The following NOS2 variants were observed in gnomAD, a reference collection of about 807,000 sequenced individuals.
The protein encoded by NOS2 is nitric oxide synthase, inducible.
NOS2 carries 96 observed loss-of-function variants against 136.0 expected under a neutral mutation model. The observed-to-expected ratio is 0.71, with a 90% CI of 0.60 to 0.84. The LOEUF is 0.84. Ranked by LOEUF, NOS2 falls within the 40% of genes least tolerant of loss-of-function variation. The pLI, the probability that NOS2 is intolerant of heterozygous loss-of-function variation, is 0.00. For missense variants in NOS2, 1,237 were observed against 1,496.9 expected, an observed-to-expected ratio of 0.83 and a Z score of 2.87; for synonymous variants, 539 against 587.5, an observed-to-expected ratio of 0.92 and a Z score of 1.20.
intron 26 of NOS2, 109 bp from the exon 27 acceptor site, chr17:27,757,462 A>T: frequency 1.2e-6 from 1 of 840,892 alleles, no homozygotes; most frequent in South Asian, 1.6e-5. Flanking sequence ...TGTCTTCCCA[A>T]CTGTTATACT....
At chr17:27,785,737 C>T (rs1210037375) in intron 5 of NOS2, among the ~76,000 whole-genome samples, 1 of 151,938 alleles carries the variant, frequency 6.6e-6, no homozygotes, top group African/African-American at 2.4e-5. Context: ...GCAGGAGGAT[C>T]GCTTGAGCTC....
intron 26 of NOS2, among the ~76,000 whole-genome samples, chr17:27,757,578 C>T (rs1349590067): frequency 6.6e-6 from 1 of 152,210 alleles, no homozygotes; most frequent in Non-Finnish European, 1.5e-5. Context: ...CCATTTCCTG[C>T]CCAGCGTTCA....
intron 11 of NOS2, 102 bp from the exon 12 acceptor site, chr17:27,774,553 C>G: frequency 1.3e-6 from 1 of 787,694 alleles, no homozygotes; most frequent in Non-Finnish European, 1.9e-6. Context: ...GAAGGCCTGG[C>G]AATCTGTAAC....
At chr17:27,783,520 C>T (rs1908918111) in intron 5 of NOS2, among the ~76,000 whole-genome samples, 1 of 152,122 alleles carries the variant, frequency 6.6e-6, no homozygotes, top group Non-Finnish European at 1.5e-5. Flanking sequence ...ATAGCAATGT[C>T]CTGCCTCTCC....
chr17:27,795,075 C>T (rs372826608), intron 2 of NOS2, among the ~76,000 whole-genome samples: 28 of 151,898 alleles, frequency 1.8e-4, no homozygotes, highest in Admixed American at 1.2e-3. Flanking sequence ...CCCACAACTA[C>T]GACCTCCTGT....
intron 15 of NOS2, among the ~76,000 whole-genome samples, chr17:27,770,347 A>G (rs1274924879): frequency 1.3e-5 from 2 of 152,136 alleles, no homozygotes; most frequent in African/African-American, 4.8e-5. Context: ...TTGGCCAGGC[A>G]TGGTGGCGCG....
In NOS2 at chr17:27,767,732, C is replaced by A; in HGVS notation, c.2140G>T (p.Asp714Tyr). ...WDPHHYRLVQ[D>Y]SQPLDLSKAL... ...TTGCTGAGGTCCAAAGGCTGTGAGT[C>A]CTGCACGAGCCTGTAGTGGTGCGGG... Residue 714 changes from aspartate to tyrosine, a missense_variant, in exon 18 of 27, where the codon GAC becomes TAC. Asp to Tyr is a radical substitution (Grantham distance 160). Transcript: ENST00000313735. 1 of 1,613,666 alleles carries A rather than the reference C, an allele frequency of 6.2e-7. No homozygotes were observed. Among genetic ancestry groups the A allele is most frequent in the Non-Finnish European group, 8.5e-7 (1 of 1,180,012 alleles).
rs1308806887 is a variant in NOS2, at chr17:27,769,002, C to T, written c.2009G>A (p.Arg670His). Residue 670 changes from arginine to histidine, a missense_variant, in exon 17 of 27, where the codon CGC becomes CAC. Arg to His is a conservative substitution (Grantham distance 29). Coordinates refer to ENST00000313735, the MANE Select transcript of NOS2 (RefSeq NM_000625.4). ...DELSGQEDAF[R>H]SWAVQTFKAA... Reference sequence around the variant, plus strand: ...CTTGAAGGTTTGCACGGCCCAGCTGCGGAAGGCGTCCTCCTGCCCACTGAG... The same window carrying T: ...CTTGAAGGTTTGCACGGCCCAGCTGTGGAAGGCGTCCTCCTGCCCACTGAG... 7.5e-6 allele frequency: 12 copies of T among 1,610,056 alleles called. No homozygotes were observed. Among genetic ancestry groups the T allele is most frequent in the Admixed American group, 3.4e-5 (2 of 59,666 alleles).
At chr17:27,757,912 C>T (rs1567631246) in intron 26 of NOS2, among the ~76,000 whole-genome samples, 1 of 152,184 alleles carries the variant, frequency 6.6e-6, no homozygotes, top group Non-Finnish European at 1.5e-5. Flanking sequence ...GCTGCCCCTC[C>T]AGAACAGCCC....
chr17:27,758,200 G>A (rs1280515214), intron 26 of NOS2, among the ~76,000 whole-genome samples: 1 of 152,180 alleles, frequency 6.6e-6, no homozygotes, highest in African/African-American at 2.4e-5. Flanking sequence ...TTGAACGTAT[G>A]AATGTGTCTT....
At chr17:27,775,610 C>A (rs954715274) in intron 11 of NOS2, among the ~76,000 whole-genome samples, 9 of 151,542 alleles carry the variant, frequency 5.9e-5, no homozygotes, top group African/African-American at 1.9e-4. Context: ...TTAAAAAAAA[C>A]AAAAACAAAA....
Position 27,780,869 on chromosome 17 carries a change from C to G in NOS2, c.902G>C (p.Arg301Pro). 1 of 1,614,032 alleles carries G rather than the reference C, an allele frequency of 6.2e-7. No homozygotes were observed. The highest frequency in any genetic ancestry group is 8.5e-7 in the Non-Finnish European group (1 of 1,179,962). ...IDLGWKPKYG[R>P]FDVVPLVLQA... Reference sequence around the variant, plus strand: ...CAGGACCAGGGGGACCACATCGAAGCGGCCGTACTTGGGCTTCCAGCCCAG... The same window carrying G: ...CAGGACCAGGGGGACCACATCGAAGGGGCCGTACTTGGGCTTCCAGCCCAG... Residue 301 changes from arginine to proline, a missense_variant, in exon 9 of 27, where the codon CGC (arginine) becomes CCC (proline). Arg to Pro is a moderately radical substitution (Grantham distance 103). Coordinates refer to ENST00000313735, the MANE Select transcript of NOS2 (RefSeq NM_000625.4).
chr17:27,778,989 C>A lies in NOS2; in HGVS notation c.1072G>T (p.Glu358Ter). ...ALPAVANMLL[E>*]VGGLEFPGCP... ...CCTGGGAACTCCAGGCCGCCCACCT[C>A]AAGCAGCATGTTGGCCACTGCAGGC... Residue 358 changes from glutamate (E) to a stop codon, truncating the protein, a stop_gained, in exon 10 of 27, where the codon GAG (glutamate) becomes TAG (stop). Coordinates refer to ENST00000313735, the MANE Select transcript of NOS2 (RefSeq NM_000625.4). LOFTEE classifies it high-confidence loss of function. 9.3e-6 allele frequency: 15 copies of A among 1,612,474 alleles called. No homozygotes were observed. The highest frequency in any genetic ancestry group is 1.1e-5 in the Non-Finnish European group (13 of 1,178,812).
At chr17:27,759,106 C>T (rs1293905481) in intron 25 of NOS2, 31 bp from the exon 26 acceptor site, 1 of 1,495,516 alleles carries the variant, frequency 6.7e-7, no homozygotes, top group Non-Finnish European at 9.0e-7. Flanking sequence ...GGGTTCAGTC[C>T]TCAGCTGCTC....
At chr17:27,787,518 C>T (rs972304160) in intron 5 of NOS2, among the ~76,000 whole-genome samples, 160 bp downstream of exon 5, 2 of 152,162 alleles carry the variant, frequency 1.3e-5, no homozygotes, top group African/African-American at 4.8e-5. Flanking sequence ...AGGGTCTTCT[C>T]CCCTAGAAAA....
rs1411155439 is a variant in NOS2 at position 27,762,880 on chromosome 17, C to T, written c.2718G>A (p.Arg906=). 28 of 1,591,252 alleles carry T rather than the reference C, an allele frequency of 1.8e-5. No individual in the cohort carries two copies. The highest frequency in any genetic ancestry group is 2.1e-5 in the Non-Finnish European group (25 of 1,169,564). The change falls in exon 22 of 27, where the codon AGG becomes AGA. Residue 906 remains arginine (R), a synonymous_variant. Transcript: ENST00000313735. Reference sequence around the variant, plus strand: ...CCCGGGAGGAGCTGATGGAGTAGAACCTGGGCTTCAGAATGGGGAGCTGGG... The same window carrying T: ...CCCGGGAGGAGCTGATGGAGTAGAATCTGGGCTTCAGAATGGGGAGCTGGG... ...LLSQLPILKP[R]FYSISSSRDH... is the part of the protein sequence containing the mutation.
At chr17:27,759,210 T>C in intron 25 of NOS2, 135 bp from the exon 26 acceptor site, 1 of 584,458 alleles carries the variant, frequency 1.7e-6, no homozygotes, top group Non-Finnish European at 3.0e-6. Context: ...GCCAGGACCT[T>C]GCAAGGGGCC....
chr17:27,770,499 A>T lies in NOS2; in HGVS notation c.1809+414T>A, dbSNP rs1567636065. 2.6e-5 allele frequency among the ~76,000 whole-genome samples: 4 copies of T among 152,194 alleles called. No individual in the cohort carries two copies. The South Asian group carries it at 8.3e-4, about 32-fold the overall frequency. On this transcript the variant is annotated intron_variant, in intron 15 of 26. Coordinates refer to ENST00000313735, the MANE Select transcript of NOS2 (RefSeq NM_000625.4). ...AAAACTCCACCTAAGTAAATAAATA[A>T]ATAAATAAACAAACAAACACCAAAA...
Position 27,758,998 on chromosome 17 carries a change from G to A in NOS2, c.3237C>T (p.Leu1079=), listed in dbSNP as rs1597541608. The change falls in exon 26 of 27, where the codon CTC becomes CTT. Residue 1079 remains leucine (L), a synonymous_variant. Coordinates refer to ENST00000313735, the MANE Select transcript of NOS2 (RefSeq NM_000625.4). ...CCATGCGCACATCCCCGCAAACATA[G>A]AGGTGGCCTGGCTCCTTGTGGAGCA... ...LRVLHKEPGH[L]YVCGDVRMAR... The A allele has an allele frequency of 6.2e-7, 1 of 1,613,006 alleles. No individual in the cohort carries two copies. The highest frequency in any genetic ancestry group is 8.5e-7 in the Non-Finnish European group (1 of 1,179,658).
Sources: allele counts gnomAD v4.1 joint callset (sites outside exome capture counted in the v4.1 genomes callset), GRCh38; gene constraint gnomAD v4.1.1; transcripts MANE v1.5; gene names NCBI Gene and HGNC (gene_info 2026-07-23, HGNC 2026-07-21).